ROBO2: variants seen among roughly 807,000 people sequenced by gnomAD.
ROBO2 encodes the protein roundabout homolog 2.
ROBO2 carries 53 observed loss-of-function variants against 160.8 expected under a neutral mutation model. That is an observed-to-expected ratio of 0.33 (90% confidence interval 0.26 to 0.41). ROBO2 has a LOEUF of 0.41. Among genes scored for constraint, ROBO2 ranks in the 10% least tolerant of loss-of-function variants. The pLI, the probability that ROBO2 is intolerant of heterozygous loss-of-function variation, is 1.00. For synonymous variants in ROBO2, 664 were observed against 611.7 expected (o/e 1.09, Z -1.26); for missense variants, 1,577 against 1,722.4 (o/e 0.92, Z 1.49).
intron 1 of ROBO2, among the ~76,000 whole-genome samples, chr3:77,045,922 C>T (rs950917204): frequency 2.0e-5 from 3 of 152,172 alleles, no homozygotes; most frequent in Non-Finnish European, 4.4e-5. Flanking sequence ...TTTTAAGGGT[C>T]ATCCGTGTCA....
intron 2 of ROBO2, among the ~76,000 whole-genome samples, chr3:77,399,265 A>G (rs910570323): frequency 6.6e-6 from 1 of 152,226 alleles, no homozygotes; most frequent in Non-Finnish European, 1.5e-5. Context: ...TTTTTGTCAC[A>G]TTAATTCCCT....
chr3:76,862,290 A>G (rs1308557684), intron 2 of ROBO2, among the ~76,000 whole-genome samples: 1 of 152,134 alleles, frequency 6.6e-6, no homozygotes, highest in African/African-American at 2.4e-5. Flanking sequence ...CTTTATCCTC[A>G]TGTATAAGTT....
intron 5 of ROBO2, among the ~76,000 whole-genome samples, chr3:77,518,922 C>A (rs183447208): frequency 6.6e-6 from 1 of 151,472 alleles, no homozygotes. Flanking sequence ...TCCGTACTTA[C>A]ATGTTTTCTA....
intron 2 of ROBO2, among the ~76,000 whole-genome samples, chr3:76,304,747 C>CTTCCTTCCTTCTTTCT (rs1553700107): frequency 2.0e-5 from 2 of 101,692 alleles, no homozygotes; most frequent in East Asian, 2.4e-4. Context: ...CTTTTCTTTC[C>CTTCCTTCCTTCTTTCT]TTCTTTCTTT....
At chr3:76,540,330 G>C (rs1325291896) in intron 2 of ROBO2, among the ~76,000 whole-genome samples, 1 of 152,162 alleles carries the variant, frequency 6.6e-6, no homozygotes, top group Non-Finnish European at 1.5e-5. Context: ...GGTAATGCTG[G>C]ATTAAGTAGA....
chr3:77,464,131 A>T (rs2082522875), intron 2 of ROBO2, among the ~76,000 whole-genome samples: 1 of 152,220 alleles, frequency 6.6e-6, no homozygotes, highest in Admixed American at 6.5e-5. Context: ...CATTTTACAG[A>T]TGAAAAAGCT....
At chr3:76,241,883 A>G (rs1001115560) in intron 2 of ROBO2, among the ~76,000 whole-genome samples, 4 of 152,328 alleles carry the variant, frequency 2.6e-5, no homozygotes, top group Admixed American at 2.0e-4. Flanking sequence ...GACAATTTTC[A>G]TGATGGAATT....
At chr3:76,884,987 A>G (rs2073732016) in intron 2 of ROBO2, among the ~76,000 whole-genome samples, 1 of 152,162 alleles carries the variant, frequency 6.6e-6, no homozygotes, top group Non-Finnish European at 1.5e-5. Context: ...GAGTTGAATC[A>G]GACACCTGAT....
chr3:77,627,850 T>C (rs1583378487), intron 23 of ROBO2, among the ~76,000 whole-genome samples: 1 of 152,158 alleles, frequency 6.6e-6, no homozygotes, highest in Admixed American at 6.6e-5. Flanking sequence ...ATTAGCAGGG[T>C]CATCTTATAA....
intron 2 of ROBO2, among the ~76,000 whole-genome samples, chr3:76,811,209 T>C (rs7611595): frequency 0.11 from 16,702 of 152,164 alleles, 1,129 homozygotes; most frequent in East Asian, 0.24. Flanking sequence ...GGTTGGATGA[T>C]TTTGAGATAT....
chr3:76,139,640 G>T (rs1322948874), intron 2 of ROBO2, among the ~76,000 whole-genome samples: 1 of 151,976 alleles, frequency 6.6e-6, no homozygotes, highest in Non-Finnish European at 1.5e-5. Context: ...ACCTCTGTGG[G>T]TCTCTTCCAG....
intron 2 of ROBO2, among the ~76,000 whole-genome samples, chr3:76,140,014 A>T (rs1171773363): frequency 1.3e-5 from 2 of 152,122 alleles, no homozygotes; most frequent in Non-Finnish European, 2.9e-5. Flanking sequence ...TTGATAAATG[A>T]AATTGGTATA....
At chr3:76,805,287 G>A (rs887055544) in intron 2 of ROBO2, among the ~76,000 whole-genome samples, 1 of 151,760 alleles carries the variant, frequency 6.6e-6, no homozygotes, top group East Asian at 1.9e-4. Flanking sequence ...TTTTCCAAGT[G>A]CAAGTTCCAC....
intron 11 of ROBO2, among the ~76,000 whole-genome samples, chr3:77,563,667 G>A (rs919236289): frequency 3.3e-5 from 5 of 152,074 alleles, no homozygotes; most frequent in Non-Finnish European, 7.4e-5. Flanking sequence ...TTAGGCATAG[G>A]CACAGGCACT....
At chr3:76,273,120 A>AATATATATAT (rs749043409) in intron 2 of ROBO2, among the ~76,000 whole-genome samples, 65 of 32,344 alleles carry the variant, frequency 2.0e-3, no homozygotes, top group Middle Eastern at 0.023. Context: ...CACACATATA[A>AATATATATAT]ATATATATAT....
intron 5 of ROBO2, among the ~76,000 whole-genome samples, chr3:77,499,717 C>T (rs1439191759): frequency 2.0e-5 from 3 of 150,576 alleles, no homozygotes; most frequent in African/African-American, 7.3e-5. Flanking sequence ...GGCACGATCC[C>T]GCCTCACTGC....
chr3:75,908,628 C>T (rs2106702497), intron 1 of ROBO2, among the ~76,000 whole-genome samples: 1 of 152,178 alleles, frequency 6.6e-6, no homozygotes, highest in East Asian at 1.9e-4. Context: ...AACAATTGCA[C>T]AACTACATTG....
chr3:76,401,371 T>C (rs1350154992), intron 2 of ROBO2, among the ~76,000 whole-genome samples: 1 of 151,524 alleles, frequency 6.6e-6, no homozygotes, highest in East Asian at 1.9e-4. Flanking sequence ...AAAGAAAGCT[T>C]GTGTTTAAAT....
chr3:77,145,572 T>C (rs1230406381), intron 2 of ROBO2, among the ~76,000 whole-genome samples: 1 of 152,140 alleles, frequency 6.6e-6, no homozygotes, highest in Non-Finnish European at 1.5e-5. Context: ...TACTCCCACA[T>C]ACTCTAAAAA....
Sources: gnomAD v4.1 joint callset for allele counts (sites outside exome capture counted in the v4.1 genomes callset) on GRCh38, gnomAD v4.1.1 for gene constraint, MANE v1.5 for transcripts, NCBI Gene and HGNC (gene_info 2026-07-23, HGNC 2026-07-21) for gene names.